The following PTPRS variants were observed in gnomAD, a reference collection of about 807,000 sequenced individuals.
The protein encoded by PTPRS is receptor-type tyrosine-protein phosphatase S.
PTPRS carries 63 observed loss-of-function variants against 215.3 expected under a neutral mutation model. The observed-to-expected ratio is 0.29, with a 90% CI of 0.24 to 0.36. PTPRS has a LOEUF of 0.36. Ranked by LOEUF, PTPRS falls within the 10% of genes least tolerant of loss-of-function variation. PTPRS has a pLI of 1.00. For missense variants in PTPRS, 2,258 were observed against 2,825.8 expected, an observed-to-expected ratio of 0.80 and a Z score of 4.56; for synonymous variants, 1,404 against 1,191.4, an observed-to-expected ratio of 1.18 and a Z score of -3.68.
intron 1 of PTPRS, among the ~76,000 whole-genome samples, chr19:5,328,458 G>A (rs1448038592): frequency 2.6e-5 from 4 of 151,746 alleles, no homozygotes; most frequent in Non-Finnish European, 2.9e-5. Flanking sequence ...GGCTGGTCTC[G>A]AACTCCTGAC....
intron 1 of PTPRS, among the ~76,000 whole-genome samples, chr19:5,300,173 G>T (rs1327514061): frequency 6.6e-6 from 1 of 151,206 alleles, no homozygotes; most frequent in African/African-American, 2.4e-5. Context: ...CCCAGGAGGT[G>T]GACACTGCAG....
chr19:5,286,404 T>G, intron 1 of PTPRS, 170 bp from the exon 2 acceptor site: 1 of 494,870 alleles, frequency 2.0e-6, no homozygotes. Flanking sequence ...TGCTGGGCCC[T>G]TGCTATAGAA....
chr19:5,270,292 C>A (rs971805175), intron 4 of PTPRS, among the ~76,000 whole-genome samples: 1 of 131,918 alleles, frequency 7.6e-6, no homozygotes, highest in African/African-American at 2.8e-5. Flanking sequence ...TTCCCCCTCC[C>A]CCCCACCCCC....
intron 1 of PTPRS, among the ~76,000 whole-genome samples, chr19:5,326,573 C>A (rs912906942): frequency 2.0e-5 from 3 of 151,934 alleles, no homozygotes; most frequent in Non-Finnish European, 4.4e-5. Flanking sequence ...GTAATCCCAG[C>A]GCTTTGCGAG....
intron 4 of PTPRS, among the ~76,000 whole-genome samples, chr19:5,271,233 G>A (rs184944476): frequency 6.6e-6 from 1 of 152,282 alleles, no homozygotes; most frequent in Non-Finnish European, 1.5e-5. Context: ...AGAAGGATTG[G>A]TAACAAGCAT....
Position 5,237,531 on chromosome 19 carries a change from G to A in PTPRS, c.1849+1388C>T, listed in dbSNP as rs139607032. The stretch of plus-strand genomic sequence containing the variant: ...GATGTGTGCAAAGACGTGGATGTGC[G>A]TGCGTGGGCAGCGTGGCATGGTGGT... On this transcript the variant is annotated intron_variant, in intron 13 of 37. Transcript: ENST00000262963. This position sits in a 1 kb window ranked among gnomAD's most constrained non-coding sequence, Gnocchi z 4.2. 1.3e-3 allele frequency among the ~76,000 whole-genome samples: 201 copies of A among 152,340 alleles called. 2 individuals are homozygous for A. The East Asian group carries it at 0.03, about 22-fold the overall frequency.
intron 1 of PTPRS, among the ~76,000 whole-genome samples, chr19:5,332,292 T>C (rs1271024530): frequency 6.6e-6 from 1 of 152,130 alleles, no homozygotes; most frequent in Non-Finnish European, 1.5e-5. Flanking sequence ...CATGCCCAGA[T>C]TATTTTTGTA....
chr19:5,336,085 C>A (rs1440824400), intron 1 of PTPRS, among the ~76,000 whole-genome samples: 1 of 151,914 alleles, frequency 6.6e-6, no homozygotes, highest in Non-Finnish European at 1.5e-5. Flanking sequence ...TGAATCACTC[C>A]TACCCGTTAA....
intron 1 of PTPRS, chr19:5,286,467 G>C (rs759424887): frequency 5.8e-4 from 206 of 353,844 alleles, no homozygotes; most frequent in Middle Eastern, 8.6e-4. Flanking sequence ...TCCCCACTAT[G>C]ATGGTAACAG....
intron 2 of PTPRS, among the ~76,000 whole-genome samples, chr19:5,275,132 G>A (rs1396521915): frequency 4.6e-5 from 7 of 150,768 alleles, no homozygotes; most frequent in Non-Finnish European, 8.8e-5. Context: ...GTACAGTGGT[G>A]TGATCTCGGC....
chr19:5,211,563 C>T, intron 33 of PTPRS, 27 bp downstream of exon 33: 1 of 1,593,430 alleles, frequency 6.3e-7, no homozygotes, highest in Non-Finnish European at 8.6e-7. Context: ...TTCTGGGGCC[C>T]TGAGGTGGGA....
At chr19:5,264,924 T>G (rs765046510) in intron 5 of PTPRS, 84 bp downstream of exon 5, 84 of 1,458,776 alleles carry the variant, frequency 5.8e-5, no homozygotes, top group Non-Finnish European at 7.6e-5. Flanking sequence ...CCTCCAGTAG[T>G]CCCCAGAACT....
rs2042130975 is a variant in PTPRS at position 5,222,917 on chromosome 19, T to G, written c.2875A>C (p.Asn959His). ...ACCGTGTATTTGACGATGGCCCCGTTGCGCTCGGCGGGCACGGGTGGCAGC... is the reference window on the plus strand; with the variant it reads ...ACCGTGTATTTGACGATGGCCCCGTGGCGCTCGGCGGGCACGGGTGGCAGC... ...RWLPPVPAERNGAIVKYTVAV... is the reference protein window; with the variant it reads ...RWLPPVPAERHGAIVKYTVAV... Residue 959 changes from asparagine to histidine, a missense_variant, in exon 18 of 38, where the codon AAC becomes CAC. Coordinates refer to ENST00000262963, the MANE Select transcript of PTPRS (RefSeq NM_002850.4). The G allele has an allele frequency of 1.9e-6, 3 of 1,567,222 alleles. No homozygotes were observed. The South Asian group carries it at 3.4e-5, about 18-fold the overall frequency.
chr19:5,228,764 T>C (rs551783039), intron 16 of PTPRS, among the ~76,000 whole-genome samples: 2 of 152,158 alleles, frequency 1.3e-5, no homozygotes, highest in Non-Finnish European at 2.9e-5. Context: ...CACACAGCAA[T>C]TCCTCTCTGG....
At position 5,210,819 on chromosome 19, in the gene PTPRS, G is replaced by C; in HGVS notation, c.5235-14C>G. ...GCCTTCTGCTGCCTGCAGGCGTTGG[G>C]GGTATGAGCCCAGGGCCGGCAGGGA... On this transcript the variant is annotated splice_polypyrimidine_tract_variant and intron_variant, in intron 33 of 37. Coordinates refer to ENST00000262963, the MANE Select transcript of PTPRS (RefSeq NM_002850.4). The surrounding 1 kb of genome is among the most constrained non-coding windows in gnomAD (Gnocchi z 4.5). 1.9e-6 allele frequency: 3 copies of C among 1,612,290 alleles called. No homozygotes were observed. The highest frequency in any genetic ancestry group is 2.5e-6 in the Non-Finnish European group (3 of 1,179,712).
intron 1 of PTPRS, among the ~76,000 whole-genome samples, chr19:5,305,245 C>G (rs1174891109): frequency 1.3e-5 from 2 of 152,150 alleles, no homozygotes; most frequent in Non-Finnish European, 2.9e-5. Context: ...ACTAAATTCT[C>G]CTCAGAACAG....
At chr19:5,279,110 C>T (rs2047638698) in intron 2 of PTPRS, among the ~76,000 whole-genome samples, 3 of 151,542 alleles carry the variant, frequency 2.0e-5, no homozygotes, top group African/African-American at 7.3e-5. Flanking sequence ...CGCTTGAACC[C>T]GGGAGGTGGA....
At chr19:5,270,104 G>A (rs1381772550) in intron 4 of PTPRS, among the ~76,000 whole-genome samples, 1 of 152,088 alleles carries the variant, frequency 6.6e-6, no homozygotes. Context: ...GAAAGGTCAG[G>A]GCAAAATTAT....
chr19:5,264,708 A>T (rs912702352), intron 5 of PTPRS, among the ~76,000 whole-genome samples: 1 of 151,898 alleles, frequency 6.6e-6, no homozygotes, highest in Non-Finnish European at 1.5e-5. Context: ...ATGGCCCTAT[A>T]TAACTCCCCA....
Sources: gnomAD v4.1 joint callset for allele counts (sites outside exome capture counted in the v4.1 genomes callset) on GRCh38, gnomAD v4.1.1 for gene constraint, Gnocchi (gnomAD v3.1) non-coding constraint, MANE v1.5 for transcripts, NCBI Gene and HGNC (gene_info 2026-07-23, HGNC 2026-07-21) for gene names.